Variants in KIFAP3 observed in about 807,000 individuals in gnomAD.
KIFAP3 encodes kinesin associated protein 3.
KIFAP3 carries 68 observed loss-of-function variants against 106.5 expected under a neutral mutation model. The observed-to-expected ratio is 0.64, with a 90% CI of 0.53 to 0.78. KIFAP3 has a LOEUF of 0.78. Among genes scored for constraint, KIFAP3 ranks in the 30% least tolerant of loss-of-function variants. The pLI, the probability that KIFAP3 is intolerant of heterozygous loss-of-function variation, is 0.00. For synonymous variants in KIFAP3, 320 were observed against 311.5 expected, an observed-to-expected ratio of 1.03 and a Z score of -0.29; for missense variants, 780 against 941.8, an observed-to-expected ratio of 0.83 and a Z score of 2.25.
At position 169,982,866 on chromosome 1, in the gene KIFAP3, T is replaced by A. The variant is rs1427646642; in HGVS notation, c.1508A>T (p.Asp503Val). 7.1e-7 allele frequency: 1 copy of A among 1,417,938 alleles called. No homozygotes were observed. The highest frequency in any genetic ancestry group is 9.3e-7 in the Non-Finnish European group (1 of 1,069,758). 87.8% of individuals were successfully genotyped at this position (1,417,938 alleles called of 1,614,324 possible). ...HDGPTKNLFI[D>V]YVGDLAAQIS... ...CTGGGCTGCAAGGTCCCCAACATAA[T>A]CCTGAATAAAACATAATTTTAATAT... The change falls in exon 14 of 20, where the codon GAT becomes GTT. Residue 503 changes from aspartate to valine, a missense_variant and splice_region_variant. By Grantham distance (152) the Asp-to-Val change is radical. This residue lies in a region of KIFAP3 where 588 missense variants were observed against 678.9 expected (regional missense o/e 0.87). Coordinates refer to ENST00000361580, the MANE Select transcript of KIFAP3 (RefSeq NM_014970.4).
chr1:169,951,119 C>T (rs535243262), intron 19 of KIFAP3, among the ~76,000 whole-genome samples: 5 of 151,796 alleles, frequency 3.3e-5, no homozygotes, highest in South Asian at 2.1e-4. Flanking sequence ...TTGTGTAATC[C>T]GTCTGTGGCT....
chr1:169,940,817 T>TCTAC (rs1280768439), intron 19 of KIFAP3, among the ~76,000 whole-genome samples: 1 of 152,212 alleles, frequency 6.6e-6, no homozygotes, highest in Admixed American at 6.5e-5. Context: ...CAGCATTGTT[T>TCTAC]CTACTCCTTT....
Position 170,036,199 on chromosome 1 carries a change from T to C in KIFAP3, c.518-646A>G, listed in dbSNP as rs571256542. ...GAAAATTATAAAGTAATGACACTAG[T>C]TTCAAATCAGGTTGGTACATGGCAT... On this transcript the variant is annotated intron_variant, in intron 5 of 19. Coordinates refer to ENST00000361580, the MANE Select transcript of KIFAP3 (RefSeq NM_014970.4). Among the ~76,000 whole-genome samples, 214 of 152,184 alleles carry C rather than the reference T, an allele frequency of 1.4e-3. 1 individual carries two copies. Among genetic ancestry groups the C allele is most frequent in the Middle Eastern group, 3.4e-3 (1 of 294 alleles).
chr1:169,984,100 T>C (rs665774), intron 12 of KIFAP3, among the ~76,000 whole-genome samples: 137,223 of 151,730 alleles, frequency 0.9, 62,070 homozygotes, highest in East Asian at 0.97. Flanking sequence ...TATCTGTGGA[T>C]GGTAGGAAAT....
At chr1:170,060,937 C>T (rs1427125092) in intron 1 of KIFAP3, among the ~76,000 whole-genome samples, 1 of 152,138 alleles carries the variant, frequency 6.6e-6, no homozygotes, top group Non-Finnish European at 1.5e-5. Context: ...ATAAATGGTG[C>T]TGGGAAAACT....
At position 170,001,964 on chromosome 1, in the gene KIFAP3, A is replaced by C. The variant is rs546562629; in HGVS notation, c.1184-9709T>G. 1.9e-3 allele frequency among the ~76,000 whole-genome samples: 282 copies of C among 152,250 alleles called. 1 individual carries two copies. Among genetic ancestry groups the C allele is most frequent in the African/African-American group, 6.6e-3 (275 of 41,574 alleles). Reference sequence around the variant, plus strand: ...TATAAAGTAAATAAGTGAATTTAAAATTGTGGAAAAATTTCAAAGGTGTTC... The same window carrying C: ...TATAAAGTAAATAAGTGAATTTAAACTTGTGGAAAAATTTCAAAGGTGTTC... On this transcript the variant is annotated intron_variant, in intron 10 of 19. Coordinates refer to ENST00000361580, the MANE Select transcript of KIFAP3 (RefSeq NM_014970.4).
chr1:170,012,406 C>T (rs1421365780), intron 10 of KIFAP3, among the ~76,000 whole-genome samples: 4 of 152,002 alleles, frequency 2.6e-5, no homozygotes, highest in Non-Finnish European at 4.4e-5. Flanking sequence ...CACATTATAG[C>T]CTTTGAACCT....
intron 8 of KIFAP3, among the ~76,000 whole-genome samples, chr1:170,028,025 T>G (rs188204661): frequency 6.6e-6 from 1 of 152,044 alleles, no homozygotes; most frequent in African/African-American, 2.4e-5. Context: ...TTAAAAAAAG[T>G]TGTCAACCTA....
chr1:169,925,273 T>C (rs1337485087), intron 19 of KIFAP3, among the ~76,000 whole-genome samples: 1 of 152,088 alleles, frequency 6.6e-6, no homozygotes, highest in Non-Finnish European at 1.5e-5. Flanking sequence ...CAAAATAGTG[T>C]CTCTTCCTGA....
chr1:169,937,641 C>A (rs796916088), intron 19 of KIFAP3, among the ~76,000 whole-genome samples: 16 of 151,814 alleles, frequency 1.1e-4, no homozygotes, highest in African/African-American at 2.9e-4. Flanking sequence ...AAAAATACAA[C>A]CAACTAAAGA....
intron 1 of KIFAP3, among the ~76,000 whole-genome samples, chr1:170,059,733 A>T (rs1200158753): frequency 6.6e-6 from 1 of 152,232 alleles, no homozygotes; most frequent in East Asian, 1.9e-4. Flanking sequence ...TTTTAAACCA[A>T]TATCCCTGAT....
chr1:170,001,235 C>A lies in KIFAP3; in HGVS notation c.1184-8980G>T, dbSNP rs146954868. On this transcript the variant is annotated intron_variant, in intron 10 of 19. Coordinates refer to ENST00000361580, the MANE Select transcript of KIFAP3 (RefSeq NM_014970.4). ...TACTTGTGGTACAAATGATAAGGAT[C>A]AAAATAAAGCCCTTAACAATGACTG... Among the ~76,000 whole-genome samples, 470 of 152,132 alleles carry A rather than the reference C, an allele frequency of 3.1e-3. 15 individuals are homozygous for A. The South Asian group carries it at 0.058, about 19-fold the overall frequency.
In KIFAP3 at chr1:169,961,183, T is replaced by C. The variant is rs1161002884; in HGVS notation, c.2036A>G (p.His679Arg). The change falls in exon 18 of 20, where the codon CAT becomes CGT. Residue 679 changes from histidine to arginine, a missense_variant. His to Arg is a conservative substitution (Grantham distance 29, BLOSUM62 0). Transcript: ENST00000361580. ...TACCATCTCCAGCCACTGAGAGTTA[T>C]GCCAGCGAAACTTTTCACTCTGAAT... ...KKIQSEKFRWHNSQWLEMVES... is the reference protein window; with the variant it reads ...KKIQSEKFRWRNSQWLEMVES... 2 of 1,613,486 alleles carry C rather than the reference T, an allele frequency of 1.2e-6. No homozygotes were observed. The highest frequency in any genetic ancestry group is 1.7e-6 in the Non-Finnish European group (2 of 1,179,748).
intron 7 of KIFAP3, 65 bp downstream of exon 7, chr1:170,034,307 T>A (rs1337915328): frequency 2.0e-6 from 3 of 1,477,380 alleles, no homozygotes; most frequent in Non-Finnish European, 2.8e-6. Flanking sequence ...AACAAAACCA[T>A]CCCACCCATC....
Position 169,921,798 on chromosome 1 carries a change from A to G in KIFAP3, c.2274-17T>C. The G allele has an allele frequency of 6.3e-7, 1 of 1,580,954 alleles. No homozygotes were observed. The highest frequency in any genetic ancestry group is 1.1e-5 in the South Asian group (1 of 89,986). On this transcript the variant is annotated splice_polypyrimidine_tract_variant and intron_variant, in intron 19 of 19. Transcript: ENST00000361580. ...ATTCCAAGGCTAAAAAAGAAAAAAA[A>G]GAATGATAAGCTATGTTTTTCATCA...
intron 10 of KIFAP3, among the ~76,000 whole-genome samples, chr1:170,009,405 G>A (rs1471104638): frequency 6.6e-6 from 1 of 151,238 alleles, no homozygotes; most frequent in Non-Finnish European, 1.5e-5. Context: ...CCAGTGAAAT[G>A]CCACTTTTAT....
chr1:170,020,026 T>A (rs1181815329), intron 9 of KIFAP3, among the ~76,000 whole-genome samples: 3 of 152,202 alleles, frequency 2.0e-5, no homozygotes, highest in African/African-American at 7.2e-5. Flanking sequence ...TATATTTCTA[T>A]ATAATATCAA....
intron 1 of KIFAP3, among the ~76,000 whole-genome samples, chr1:170,060,854 C>T (rs1020740425): frequency 6.6e-6 from 1 of 152,152 alleles, no homozygotes; most frequent in Admixed American, 6.5e-5. Flanking sequence ...AGAAATAATA[C>T]CACACATCTA....
rs565733491 is a variant in KIFAP3 at position 169,930,493 on chromosome 1, C to T, written c.2274-8712G>A. 4.6e-5 allele frequency among the ~76,000 whole-genome samples: 7 copies of T among 152,276 alleles called. No individual in the cohort carries two copies. In the East Asian group the frequency reaches 5.8e-4, roughly 13 times the overall value. ...ACTAAGGTTCCCTGAATTAAGTATA[C>T]GGTGTAAATTCTGAACCCACTCATG... is the stretch of plus-strand genomic sequence containing the variant. On this transcript the variant is annotated intron_variant, in intron 19 of 19. Coordinates refer to ENST00000361580, the MANE Select transcript of KIFAP3 (RefSeq NM_014970.4).
Sources: allele counts gnomAD v4.1 joint callset (sites outside exome capture counted in the v4.1 genomes callset), GRCh38; gene constraint gnomAD v4.1.1; regional missense constraint gnomAD v4.1.1; transcripts MANE v1.5; gene names NCBI Gene and HGNC (gene_info 2026-07-23, HGNC 2026-07-21).